TRHR: variants seen among roughly 807,000 people sequenced by gnomAD.
TRHR encodes thyrotropin-releasing hormone receptor.
A neutral mutation model predicts 28.0 loss-of-function variants in TRHR; 14 were observed. That is an observed-to-expected ratio of 0.50 (90% CI 0.33 to 0.78). The LOEUF is 0.78. TRHR is among the 30% of genes least tolerant of loss of function. TRHR has a pLI of 0.02. For synonymous variants in TRHR, 176 were observed against 171.9 expected (o/e 1.02, Z -0.18); for missense variants, 438 against 469.5 (o/e 0.93, Z 0.62).
intron 2 of TRHR, among the ~76,000 whole-genome samples, chr8:109,106,294 G>A (rs1811750345): frequency 6.6e-6 from 1 of 152,134 alleles, no homozygotes; most frequent in Admixed American, 6.6e-5. Flanking sequence ...GATTGAATAT[G>A]ACAGCTGACA....
chr8:109,087,408 A>T lies in TRHR; in HGVS notation c.-88-17A>T. On this transcript the variant is annotated splice_polypyrimidine_tract_variant and intron_variant, in intron 1 of 2. Coordinates refer to ENST00000518632, the MANE Select transcript of TRHR (RefSeq NM_003301.7). ...ATTGTAACACTGTTAATGAATATGTACTATGACCCTTCACAGGGGGATGGA... is the reference window on the plus strand; with the variant it reads ...ATTGTAACACTGTTAATGAATATGTTCTATGACCCTTCACAGGGGGATGGA... 1 of 1,197,936 alleles carries T rather than the reference A, an allele frequency of 8.3e-7. No homozygotes were observed. The highest frequency in any genetic ancestry group is 1.2e-6 in the Non-Finnish European group (1 of 826,872). 74.2% of individuals were successfully genotyped at this position (1,197,936 alleles called of 1,614,324 possible).
intron 2 of TRHR, among the ~76,000 whole-genome samples, chr8:109,115,668 CTT>C (rs1487766353): frequency 2.0e-5 from 3 of 151,342 alleles, no homozygotes; most frequent in Non-Finnish European, 4.4e-5. Context: ...TATCCTGAGA[CTT>C]TGCTGAAGTT....
At chr8:109,103,856 TA>T (rs2129907654) in intron 2 of TRHR, among the ~76,000 whole-genome samples, 1 of 152,296 alleles carries the variant, frequency 6.6e-6, no homozygotes, top group East Asian at 1.9e-4. Context: ...TAACATGTTT[TA>T]AATCAGACCA....
chr8:109,088,338 T>C, intron 2 of TRHR, 37 bp downstream of exon 2: 1 of 1,606,504 alleles, frequency 6.2e-7, no homozygotes. Flanking sequence ...ATAGAGGAAA[T>C]GTGGGATAGA....
chr8:109,098,997 T>G (rs1284756119), intron 2 of TRHR, among the ~76,000 whole-genome samples: 3 of 152,214 alleles, frequency 2.0e-5, no homozygotes, highest in Non-Finnish European at 4.4e-5. Context: ...GGTGCCTCCA[T>G]GGTGCCTAGG....
chr8:109,091,638 G>A (rs3134107), intron 2 of TRHR, among the ~76,000 whole-genome samples: 23,569 of 152,124 alleles, frequency 0.15, 2,394 homozygotes, highest in Admixed American at 0.31. Flanking sequence ...ACATGTAAGG[G>A]ACAAATGTGA....
intron 2 of TRHR, among the ~76,000 whole-genome samples, chr8:109,103,097 G>T (rs143999475): frequency 6.6e-6 from 1 of 152,064 alleles, no homozygotes; most frequent in Non-Finnish European, 1.5e-5. Context: ...AAAAAATTCC[G>T]TCTGAAGCCC....
intron 2 of TRHR, among the ~76,000 whole-genome samples, chr8:109,107,794 T>G (rs1417508093): frequency 1.3e-5 from 2 of 152,084 alleles, no homozygotes; most frequent in African/African-American, 4.8e-5. Flanking sequence ...TTACAATGTG[T>G]TTTTATGTTC....
intron 2 of TRHR, among the ~76,000 whole-genome samples, chr8:109,103,349 T>C (rs1811705832): frequency 6.6e-6 from 1 of 152,180 alleles, no homozygotes; most frequent in Non-Finnish European, 1.5e-5. Flanking sequence ...GCAATTCAAT[T>C]AGCCTTGTGA....
At chr8:109,101,562 A>G (rs1031062947) in intron 2 of TRHR, among the ~76,000 whole-genome samples, 1 of 152,136 alleles carries the variant, frequency 6.6e-6, no homozygotes, top group African/African-American at 2.4e-5. Flanking sequence ...TACTTCTCAC[A>G]GTGCCTGGAA....
At position 109,119,127 on chromosome 8, in the gene TRHR, C is replaced by G. The variant is rs1390404677; in HGVS notation, c.869C>G (p.Ser290Ter). The change falls in exon 3 of 3, where the codon TCA becomes TGA. Residue 290 changes from serine to a stop codon, truncating the protein, a stop_gained. Coordinates refer to ENST00000518632, the MANE Select transcript of TRHR (RefSeq NM_003301.7). LOFTEE classifies it high-confidence loss of function. ...TACAGGACTCTAGTGGTTGTCAACT[C>G]ATTTCTCTCCAGTCCTTTCCAAGAA... ...MPYRTLVVVN[S>*]FLSSPFQENW... 1 of 1,612,822 alleles carries G rather than the reference C, an allele frequency of 6.2e-7. No individual in the cohort carries two copies. Among genetic ancestry groups the G allele is most frequent in the Non-Finnish European group, 8.5e-7 (1 of 1,179,238 alleles).
At chr8:109,101,091 A>G (rs960877214) in intron 2 of TRHR, among the ~76,000 whole-genome samples, 3 of 152,194 alleles carry the variant, frequency 2.0e-5, no homozygotes, top group Admixed American at 6.6e-5. Context: ...AGAGTGTTGT[A>G]ATCAGAGTTA....
chr8:109,108,677 T>G (rs1387399502), intron 2 of TRHR, among the ~76,000 whole-genome samples: 2 of 152,186 alleles, frequency 1.3e-5, no homozygotes, highest in Non-Finnish European at 1.5e-5. Context: ...AAAGGCTAAA[T>G]AGCAAACTCA....
intron 2 of TRHR, among the ~76,000 whole-genome samples, chr8:109,106,554 G>T (rs1350289330): frequency 1.3e-5 from 2 of 152,072 alleles, no homozygotes; most frequent in Non-Finnish European, 2.9e-5. Flanking sequence ...TTTCTTCACT[G>T]TAATTGCATG....
chr8:109,097,511 A>G (rs1313120859), intron 2 of TRHR, among the ~76,000 whole-genome samples: 1 of 152,214 alleles, frequency 6.6e-6, no homozygotes, highest in Non-Finnish European at 1.5e-5. Context: ...CCTCTGGAAC[A>G]TTCAGTAGAA....
intron 2 of TRHR, among the ~76,000 whole-genome samples, chr8:109,115,076 T>C (rs2129932091): frequency 6.6e-6 from 1 of 152,228 alleles, no homozygotes; most frequent in East Asian, 1.9e-4. Flanking sequence ...AAAGAAGCTG[T>C]CTTTCATATC....
intron 2 of TRHR, among the ~76,000 whole-genome samples, chr8:109,093,400 CTTTTTTTTT>C (rs34645119): frequency 1.3e-5 from 1 of 77,394 alleles, no homozygotes; most frequent in Non-Finnish European, 2.3e-5. Context: ...GTGCTATTTA[CTTTTTTTTT>C]TTTTTTTTTT....
At chr8:109,099,594 C>T (rs907806003) in intron 2 of TRHR, among the ~76,000 whole-genome samples, 1 of 152,162 alleles carries the variant, frequency 6.6e-6, no homozygotes. Flanking sequence ...ATGAGAAGAA[C>T]TTGAATAAAT....
intron 2 of TRHR, among the ~76,000 whole-genome samples, chr8:109,118,698 G>A (rs1313072089): frequency 6.6e-6 from 1 of 151,828 alleles, no homozygotes; most frequent in Non-Finnish European, 1.5e-5. Context: ...AAGTACACAG[G>A]AGTTAAAGTC....
Sources: gnomAD v4.1 joint callset for allele counts (sites outside exome capture counted in the v4.1 genomes callset) on GRCh38, gnomAD v4.1.1 for gene constraint, MANE v1.5 for transcripts, NCBI Gene and HGNC (gene_info 2026-07-23, HGNC 2026-07-21) for gene names.